Variants in PRKCH observed in about 807,000 individuals in gnomAD.
The protein encoded by PRKCH is protein kinase C eta.
A neutral mutation model predicts 82.5 loss-of-function variants in PRKCH; 28 were observed. That is an observed-to-expected ratio of 0.34 (90% CI 0.25 to 0.47). The LOEUF (loss-of-function observed/expected upper bound fraction) is 0.47, where lower values mean the gene tolerates loss of function less well. Among genes scored for constraint, PRKCH ranks in the 20% least tolerant of loss-of-function variants. PRKCH has a pLI of 1.00. For synonymous variants in PRKCH, 322 were observed against 327.4 expected, an observed-to-expected ratio of 0.98 and a Z score of 0.18; for missense variants, 705 against 881.8, an observed-to-expected ratio of 0.80 and a Z score of 2.54.
chr14:61,429,303 T>G (rs528184658), intron 2 of PRKCH, among the ~76,000 whole-genome samples: 1 of 152,320 alleles, frequency 6.6e-6, no homozygotes, highest in South Asian at 2.1e-4. Flanking sequence ...GGAACCAATT[T>G]GTAAGTTTTG....
At chr14:61,430,988 T>A (rs1184149957) in intron 2 of PRKCH, among the ~76,000 whole-genome samples, 4 of 152,174 alleles carry the variant, frequency 2.6e-5, no homozygotes, top group African/African-American at 9.6e-5. Flanking sequence ...TCTCCTGACC[T>A]CGCGATCCGC....
intron 2 of PRKCH, among the ~76,000 whole-genome samples, chr14:61,412,385 T>G (rs1882313060): frequency 6.6e-6 from 1 of 152,184 alleles, no homozygotes; most frequent in South Asian, 2.1e-4. Context: ...ATTTGAAACA[T>G]GGGTTGCTTT....
rs139460980 is a variant in PRKCH at position 61,348,951 on chromosome 14, A to C, written c.363+26487A>C. Among the ~76,000 whole-genome samples the C allele has an allele frequency of 3.4e-3, 514 of 152,366 alleles. 5 individuals are homozygous for C. The highest frequency in any genetic ancestry group is 0.011 in the African/African-American group (474 of 41,590). On this transcript the variant is annotated intron_variant, in intron 1 of 13. Transcript: ENST00000332981. ...TCTCTTAGTATTTGTTGTACTTGTCAGTGTTTGTTGCCTGAATGACACAGA... is the reference window on the plus strand; with the variant it reads ...TCTCTTAGTATTTGTTGTACTTGTCCGTGTTTGTTGCCTGAATGACACAGA...
intron 1 of PRKCH, among the ~76,000 whole-genome samples, chr14:61,207,479 T>A (rs906619011): frequency 2.3e-4 from 35 of 152,308 alleles, no homozygotes; most frequent in African/African-American, 7.9e-4. Context: ...TTTCTGCCCA[T>A]ACCACCCAAT....
chr14:61,490,706 G>C (rs1886415455), intron 10 of PRKCH, among the ~76,000 whole-genome samples: 1 of 152,146 alleles, frequency 6.6e-6, no homozygotes, highest in African/African-American at 2.4e-5. Flanking sequence ...TTGAGTCTAG[G>C]GGTTCAAGAC....
chr14:61,511,535 A>C (rs1034294562), intron 10 of PRKCH, among the ~76,000 whole-genome samples: 5 of 152,206 alleles, frequency 3.3e-5, no homozygotes, highest in African/African-American at 1.2e-4. Flanking sequence ...TTGCCTCCTG[A>C]ACCATATAAG....
intron 9 of PRKCH, among the ~76,000 whole-genome samples, chr14:61,467,693 A>G (rs1156689860): frequency 6.6e-6 from 1 of 152,200 alleles, no homozygotes; most frequent in East Asian, 1.9e-4. Flanking sequence ...TAGTTGGTTG[A>G]TTCCTGGGGA....
At chr14:61,526,310 G>A (rs978861975) in intron 10 of PRKCH, among the ~76,000 whole-genome samples, 7 of 152,208 alleles carry the variant, frequency 4.6e-5, no homozygotes, top group Non-Finnish European at 7.3e-5. Context: ...AGCTTGCTTC[G>A]CTGAAGTGGG....
chr14:61,315,613 A>C (rs1185635309), intron 1 of PRKCH, among the ~76,000 whole-genome samples: 2 of 152,182 alleles, frequency 1.3e-5, no homozygotes, highest in Non-Finnish European at 2.9e-5. Context: ...TAAAATAAGT[A>C]CATTTATTTG....
intron 9 of PRKCH, among the ~76,000 whole-genome samples, chr14:61,473,227 C>T (rs1274445128): frequency 6.6e-6 from 1 of 151,876 alleles, no homozygotes; most frequent in Non-Finnish European, 1.5e-5. Flanking sequence ...TGGTGGTTGG[C>T]GGCGGGGGTA....
At chr14:61,220,643 C>T (rs561108092) in intron 1 of PRKCH, among the ~76,000 whole-genome samples, 52 of 152,246 alleles carry the variant, frequency 3.4e-4, no homozygotes, top group African/African-American at 1.1e-3. Flanking sequence ...TAGTAAGAAA[C>T]GACGAGAGGA....
intron 2 of PRKCH, among the ~76,000 whole-genome samples, chr14:61,391,568 C>T (rs1462253846): frequency 1.3e-5 from 2 of 151,124 alleles, no homozygotes; most frequent in South Asian, 2.1e-4. Flanking sequence ...ATGGTTTTTG[C>T]GTCTTTTTGG....
intron 9 of PRKCH, among the ~76,000 whole-genome samples, chr14:61,484,771 T>G (rs1886134228): frequency 6.6e-6 from 1 of 150,636 alleles, no homozygotes; most frequent in African/African-American, 2.5e-5. Flanking sequence ...TTCCTTTTTT[T>G]TTTTTTTTTT....
intron 2 of PRKCH, among the ~76,000 whole-genome samples, chr14:61,405,697 T>C (rs1881910001): frequency 1.3e-5 from 2 of 152,194 alleles, no homozygotes; most frequent in African/African-American, 4.8e-5. Flanking sequence ...ATTCTTGAAC[T>C]TGTGGTGAAC....
chr14:61,480,984 C>T (rs1885945405), intron 9 of PRKCH, among the ~76,000 whole-genome samples: 1 of 152,132 alleles, frequency 6.6e-6, no homozygotes, highest in African/African-American at 2.4e-5. Flanking sequence ...ATTGACTCCT[C>T]TCAGAAGCTT....
intron 1 of PRKCH, among the ~76,000 whole-genome samples, chr14:61,295,208 TG>T (rs2045397044): frequency 6.6e-6 from 1 of 152,192 alleles, no homozygotes; most frequent in Non-Finnish European, 1.5e-5. Context: ...GACATGCAGT[TG>T]TTTTATAAAC....
upstream of PRKCH, among the ~76,000 whole-genome samples, chr14:61,318,022 A>G (rs2045577956): frequency 6.6e-6 from 1 of 151,798 alleles, no homozygotes; most frequent in African/African-American, 2.4e-5. Context: ...TGAGCTCTTC[A>G]TCCTCCCCTC....
intron 2 of PRKCH, among the ~76,000 whole-genome samples, chr14:61,418,915 G>A (rs1882693893): frequency 6.6e-6 from 1 of 152,150 alleles, no homozygotes; most frequent in African/African-American, 2.4e-5. Flanking sequence ...CCTGACTGAT[G>A]GCGAGTTGAT....
intron 9 of PRKCH, among the ~76,000 whole-genome samples, chr14:61,465,360 TTACA>T (rs1395218988): frequency 6.6e-6 from 1 of 152,246 alleles, no homozygotes; most frequent in Non-Finnish European, 1.5e-5. Context: ...GTTTTAGGTC[TTACA>T]TTTAAGTCTT....
Sources: gnomAD v4.1 joint callset for allele counts (sites outside exome capture counted in the v4.1 genomes callset) on GRCh38, gnomAD v4.1.1 for gene constraint, MANE v1.5 for transcripts, NCBI Gene and HGNC (gene_info 2026-07-23, HGNC 2026-07-21) for gene names.